The following BDP1 variants were observed in gnomAD, a reference collection of about 807,000 sequenced individuals.
The protein encoded by BDP1 is BDP1 general transcription factor IIIB subunit.
BDP1 carries 169 observed loss-of-function variants against 266.6 expected under a neutral mutation model. That is an observed-to-expected ratio of 0.63 (90% CI 0.56 to 0.72). The LOEUF is 0.72. BDP1 is among the 30% of genes least tolerant of loss of function. BDP1 has a pLI of 0.00. For synonymous variants in BDP1, 1,090 were observed against 1,022.4 expected, an observed-to-expected ratio of 1.07 and a Z score of -1.26; for missense variants, 3,015 against 3,053.8, an observed-to-expected ratio of 0.99 and a Z score of 0.30.
At chr5:71,502,572 A>G in intron 14 of BDP1, 27 bp from the exon 15 acceptor site, 1 of 1,551,036 alleles carries the variant, frequency 6.4e-7, no homozygotes, top group South Asian at 1.2e-5. Flanking sequence ...CAAAATAAAC[A>G]TTAATTTTAT....
chr5:71,477,216 G>A lies in BDP1; in HGVS notation c.1015-6626G>A, dbSNP rs4527579. ...TTTGTTGCTCGGGCTGGAGTGCAGC[G>A]GTGCAACCATAGCTCACTGCCGCCA... is the stretch of plus-strand genomic sequence containing the variant. On this transcript the variant is annotated intron_variant, in intron 7 of 38. Transcript: ENST00000358731. Among the ~76,000 whole-genome samples the A allele has an allele frequency of 4.5e-4, 68 of 151,092 alleles. 1 individual carries two copies. Among genetic ancestry groups the A allele is most frequent in the Admixed American group, 4.4e-3 (66 of 15,164 alleles).
chr5:71,541,583 C>T lies in BDP1; in HGVS notation c.6152C>T (p.Pro2051Leu). Residue 2051 changes from proline to leucine, a missense_variant, in exon 29 of 39, where the codon CCT becomes CTT. Pro to Leu is a moderately conservative substitution (Grantham distance 98). Around this residue, in one of 3 missense-constraint regions of BDP1, gnomAD observed 2,383 missense variants for 2,404.9 expected, o/e 0.99. Transcript: ENST00000358731. ...ELSSPVITTSPASFEENKIVL... is the reference protein window; with the variant it reads ...ELSSPVITTSLASFEENKIVL... ...TCTTCACCTGTCATTACTACATCTC[C>T]TGCATCATTTGAAGAAAACAAGATT... The T allele has an allele frequency of 5.6e-6, 9 of 1,612,468 alleles. No individual in the cohort carries two copies. Among genetic ancestry groups the T allele is most frequent in the Non-Finnish European group, 7.6e-6 (9 of 1,179,166 alleles).
intron 1 of BDP1, among the ~76,000 whole-genome samples, chr5:71,457,628 G>A (rs1761281785): frequency 6.6e-6 from 1 of 151,714 alleles, no homozygotes; most frequent in Non-Finnish European, 1.5e-5. Context: ...TTATTTTTTT[G>A]TGGGTCTTTG....
rs1284539998 is a variant in BDP1 at position 71,567,621 on chromosome 5, A to T, written c.*2736A>T. The T allele has an allele frequency of 6.6e-6, 1 of 152,536 alleles. No homozygotes were observed. The highest frequency in any genetic ancestry group is 1.5e-5 in the Non-Finnish European group (1 of 68,018). 9.4% of individuals were successfully genotyped at this position (152,536 alleles called of 1,614,324 possible). ...GGATTTGAACGCCTAATTGTTGGTAAATGGTTGAGGCATGACAAAAATATT... is the reference window on the plus strand; with the variant it reads ...GGATTTGAACGCCTAATTGTTGGTATATGGTTGAGGCATGACAAAAATATT... On this transcript the variant is annotated 3_prime_UTR_variant, in exon 39 of 39. Transcript: ENST00000358731.
chr5:71,559,200 G>C (rs940742728), intron 36 of BDP1, among the ~76,000 whole-genome samples: 4 of 152,122 alleles, frequency 2.6e-5, no homozygotes, highest in Admixed American at 2.6e-4. Context: ...TACAGTCTTA[G>C]ACTTAATTGT....
chr5:71,478,299 CATATAG>C lies in BDP1; in HGVS notation c.1015-5537_1015-5532del, dbSNP rs200565809. Among the ~76,000 whole-genome samples the C allele has an allele frequency of 5.5e-3, 834 of 152,236 alleles. 11 individuals are homozygous for C. The highest frequency in any genetic ancestry group is 0.019 in the African/African-American group (778 of 41,544). ...ACAAAAAAACAGCTCTCTCTCTCTA[CATATAG>C]ATATATATGAGTCTTTTGTCTTTTA... On this transcript the variant is annotated intron_variant, in intron 7 of 38. Transcript: ENST00000358731.
intron 4 of BDP1, 45 bp from the exon 5 acceptor site, chr5:71,466,051 C>T (rs1761887548): frequency 1.3e-6 from 2 of 1,594,666 alleles, no homozygotes; most frequent in Admixed American, 1.8e-5. Context: ...TATTTAGGCA[C>T]ACTTTTCATG....
intron 26 of BDP1, among the ~76,000 whole-genome samples, chr5:71,534,041 G>A (rs1372556191): frequency 6.6e-6 from 1 of 152,062 alleles, no homozygotes; most frequent in African/African-American, 2.4e-5. Flanking sequence ...CCCTTTCTGT[G>A]GGGTTGTCTT....
chr5:71,496,504 C>T (rs1763903294), intron 12 of BDP1, among the ~76,000 whole-genome samples: 1 of 144,634 alleles, frequency 6.9e-6, no homozygotes, highest in Admixed American at 7.1e-5. Context: ...GTGGTGTGAT[C>T]ATAGCTCATT....
chr5:71,492,762 C>T (rs1439269860), intron 11 of BDP1, among the ~76,000 whole-genome samples: 1 of 152,112 alleles, frequency 6.6e-6, no homozygotes, highest in East Asian at 1.9e-4. Context: ...TCTAATTTTG[C>T]TTTTGTTGCC....
At chr5:71,517,489 C>T (rs2150494172) in intron 22 of BDP1, 37 bp downstream of exon 22, 1 of 1,520,968 alleles carries the variant, frequency 6.6e-7, no homozygotes, top group South Asian at 1.3e-5. Flanking sequence ...TAAGACTTTT[C>T]AAAGATAAAA....
intron 5 of BDP1, 89 bp downstream of exon 5, chr5:71,466,310 C>T (rs1761900987): frequency 5.0e-6 from 7 of 1,413,700 alleles, no homozygotes; most frequent in Admixed American, 3.8e-5. Flanking sequence ...CTGTATTGGC[C>T]TTTGTCACTT....
chr5:71,531,131 A>G (rs1580157987), intron 25 of BDP1, among the ~76,000 whole-genome samples: 1 of 152,180 alleles, frequency 6.6e-6, no homozygotes, highest in African/African-American at 2.4e-5. Context: ...CTTTACTCAC[A>G]GTTTCTACTC....
chr5:71,524,002 C>G lies in BDP1; in HGVS notation c.5451C>G (p.Ile1817Met), dbSNP rs1765641365. The change falls in exon 25 of 39, where the codon ATC (isoleucine) becomes ATG (methionine). Residue 1817 changes from isoleucine (I) to methionine (M), a missense_variant. Coordinates refer to ENST00000358731, the MANE Select transcript of BDP1 (RefSeq NM_018429.3). ...SKIALDGKTT[I>M]SSTSEYERNR... The stretch of plus-strand genomic sequence containing the variant: ...TTGCCCTGGATGGGAAAACAACTAT[C>G]TCTTCTACATCTGAGTATGAGAGAA... 1 of 1,614,168 alleles carries G rather than the reference C, an allele frequency of 6.2e-7. No individual in the cohort carries two copies. Among genetic ancestry groups the G allele is most frequent in the African/African-American group, 1.3e-5 (1 of 75,050 alleles).
chr5:71,511,993 CT>C (rs890010162), intron 17 of BDP1, among the ~76,000 whole-genome samples: 90 of 144,280 alleles, frequency 6.2e-4, no homozygotes, highest in South Asian at 1.5e-3. Flanking sequence ...TTTTCAAGGA[CT>C]TTTTTTTTTT....
chr5:71,532,025 A>G (rs1766278899), intron 25 of BDP1, among the ~76,000 whole-genome samples: 2 of 152,210 alleles, frequency 1.3e-5, no homozygotes, highest in South Asian at 4.1e-4. Context: ...GACAAAGTGA[A>G]GAAAATGGAA....
chr5:71,564,939 A>T lies in BDP1; in HGVS notation c.*54A>T, dbSNP rs1425248043. ...ATTAGGTCTAGGATTTCCAGAGTCA[A>T]TTACATCAACAAAACAGTATTTAGA... On this transcript the variant is annotated 3_prime_UTR_variant, in exon 39 of 39. Coordinates refer to ENST00000358731, the MANE Select transcript of BDP1 (RefSeq NM_018429.3). The T allele has an allele frequency of 5.5e-5, 82 of 1,497,626 alleles. No homozygotes were observed. In the South Asian group the frequency reaches 9.6e-4, roughly 18 times the overall value. 92.8% of individuals were successfully genotyped at this position (1,497,626 alleles called of 1,614,324 possible).
Position 71,510,072 on chromosome 5 carries a change from C to T in BDP1, c.2980C>T (p.Pro994Ser), listed in dbSNP as rs776839747. Reference protein sequence around the residue: ...LEETGRRKISPRENGPEEVKP... With the variant: ...LEETGRRKISSRENGPEEVKP... ...AGAAACTGGAAGAAGAAAAATATCC[C>T]CAAGGGAAAATGGCCCAGAGGAGGT... The change falls in exon 17 of 39, where the codon CCA becomes TCA. Residue 994 changes from proline to serine, a missense_variant. By Grantham distance (74) the Pro-to-Ser change is moderately conservative. Around this residue, in one of 3 missense-constraint regions of BDP1, gnomAD observed 2,383 missense variants for 2,404.9 expected, o/e 0.99. Transcript: ENST00000358731. The T allele has an allele frequency of 6.2e-7, 1 of 1,612,400 alleles. No homozygotes were observed. Among genetic ancestry groups the T allele is most frequent in the South Asian group, 1.1e-5 (1 of 90,992 alleles).
intron 28 of BDP1, 117 bp from the exon 29 acceptor site, chr5:71,541,337 C>A: frequency 1.9e-6 from 1 of 518,568 alleles, no homozygotes; most frequent in Non-Finnish European, 3.3e-6. Flanking sequence ...ATTGCTGCCA[C>A]ACAAATGAAG....
Sources: allele counts gnomAD v4.1 joint callset (sites outside exome capture counted in the v4.1 genomes callset), GRCh38; gene constraint gnomAD v4.1.1; regional missense constraint gnomAD v4.1.1; transcripts MANE v1.5; gene names NCBI Gene and HGNC (gene_info 2026-07-23, HGNC 2026-07-21).